Variants in EFL1 observed in about 807,000 individuals in gnomAD.
EFL1 encodes elongation factor like GTPase 1, also known as elongation factor-like GTPase 1.
In EFL1, 76 loss-of-function variants were observed where a neutral mutation model predicts 126.7. The ratio of observed to expected loss-of-function variants is 0.60; its 90% CI spans 0.50 to 0.73. EFL1 has a LOEUF of 0.73. Ranked by LOEUF, EFL1 falls within the 30% of genes least tolerant of loss-of-function variation. The probability of loss-of-function intolerance (pLI) is 0.00; values close to 1 mark genes in which losing one functional copy is unlikely to be tolerated. For synonymous variants in EFL1, 410 were observed against 448.4 expected, an observed-to-expected ratio of 0.91 and a Z score of 1.08; for missense variants, 1,128 against 1,343.2, an observed-to-expected ratio of 0.84 and a Z score of 2.50.
chr15:82,214,577 C>T lies in EFL1; in HGVS notation c.1750+140G>A. On this transcript the variant is annotated intron_variant, in intron 15 of 19. Transcript: ENST00000268206. ...TCTCCATGTGAGTTACTCCAATGTA[C>T]TAAGTTAAAGATACCAGAAAAAAAA... 3 of 1,004,180 alleles carry T rather than the reference C, an allele frequency of 3.0e-6. No homozygotes were observed. The South Asian group carries it at 5.3e-5, about 18-fold the overall frequency. The allele number at this position is 1,004,180 out of a possible 1,614,324, so 62.2% of individuals were successfully genotyped here.
At chr15:82,224,205 A>AC (rs1390071999) in intron 12 of EFL1, among the ~76,000 whole-genome samples, 1 of 152,158 alleles carries the variant, frequency 6.6e-6, no homozygotes, top group Non-Finnish European at 1.5e-5. Flanking sequence ...TGATGATCTG[A>AC]CCTTCAGTCA....
chr15:82,179,945 G>C (rs2074232843), intron 15 of EFL1, among the ~76,000 whole-genome samples: 1 of 152,038 alleles, frequency 6.6e-6, no homozygotes, highest in Non-Finnish European at 1.5e-5. Context: ...CTAGGTCCCT[G>C]GTCTACAAAT....
intron 15 of EFL1, among the ~76,000 whole-genome samples, chr15:82,211,547 T>TACACACAC (rs1214996508): frequency 0.057 from 3,952 of 69,210 alleles, 359 homozygotes; most frequent in Non-Finnish European, 0.079. Context: ...AAAAAATCTA[T>TACACACAC]ATACACACAC....
At chr15:82,162,881 C>CA (rs1376713048) in intron 16 of EFL1, among the ~76,000 whole-genome samples, 1 of 152,232 alleles carries the variant, frequency 6.6e-6, no homozygotes, top group African/African-American at 2.4e-5. Flanking sequence ...AGAAAACTAC[C>CA]ATTTTACCAT....
chr15:82,228,403 G>A, intron 9 of EFL1, 76 bp from the exon 10 acceptor site: 1 of 1,494,336 alleles, frequency 6.7e-7, no homozygotes, highest in Non-Finnish European at 8.9e-7. Flanking sequence ...AACATTATTT[G>A]GCATATTTTT....
At chr15:82,231,644 T>C (rs2074823340) in intron 7 of EFL1, among the ~76,000 whole-genome samples, 1 of 151,540 alleles carries the variant, frequency 6.6e-6, no homozygotes, top group East Asian at 1.9e-4. Context: ...TACCAGCATC[T>C]TAAAAGATGC....
intron 5 of EFL1, among the ~76,000 whole-genome samples, chr15:82,241,017 T>C (rs2074925560): frequency 6.6e-6 from 1 of 152,186 alleles, no homozygotes; most frequent in South Asian, 2.1e-4. Context: ...GCCACTGCAC[T>C]AAAGCCTGGG....
chr15:82,145,879 T>TA (rs2073840293), intron 18 of EFL1, among the ~76,000 whole-genome samples: 1 of 147,570 alleles, frequency 6.8e-6, no homozygotes, highest in Admixed American at 6.7e-5. Context: ...AACTCTTAAC[T>TA]AGTACTGTCT....
At chr15:82,209,966 T>C (rs914811173) in intron 15 of EFL1, among the ~76,000 whole-genome samples, 1 of 152,208 alleles carries the variant, frequency 6.6e-6, no homozygotes, top group Non-Finnish European at 1.5e-5. Context: ...CTTGATAAAT[T>C]TACTGACTCC....
At chr15:82,192,843 A>G (rs1218186666) in intron 15 of EFL1, among the ~76,000 whole-genome samples, 2 of 151,952 alleles carry the variant, frequency 1.3e-5, no homozygotes, top group African/African-American at 4.8e-5. Flanking sequence ...TTTTATTAAA[A>G]AAAGAAAGAA....
intron 15 of EFL1, among the ~76,000 whole-genome samples, chr15:82,199,470 G>A (rs1184970502): frequency 3.3e-5 from 5 of 152,194 alleles, no homozygotes; most frequent in African/African-American, 1.2e-4. Context: ...CTAGGACTGC[G>A]GCCCGCAAAA....
chr15:82,211,917 C>CA (rs1240086406), intron 15 of EFL1, among the ~76,000 whole-genome samples: 1 of 152,106 alleles, frequency 6.6e-6, no homozygotes, highest in Non-Finnish European at 1.5e-5. Context: ...CCTAATTACT[C>CA]AAATAAGGTT....
intron 15 of EFL1, 121 bp from the exon 16 acceptor site, chr15:82,164,105 A>C (rs2074052383): frequency 7.8e-7 from 1 of 1,287,888 alleles, no homozygotes. Context: ...AAAATGTTGC[A>C]AGAAATGAGG....
chr15:82,239,297 C>T lies in EFL1; in HGVS notation c.517-776G>A, dbSNP rs1339324942. On this transcript the variant is annotated intron_variant, in intron 6 of 19. Coordinates refer to ENST00000268206, the MANE Select transcript of EFL1 (RefSeq NM_024580.6). ...GACTACAGGGGCCTGCTACCACGCC[C>T]GGCTAATTTTTTGTATTTTTAGTAG... is the stretch of plus-strand genomic sequence containing the variant. 5.9e-5 allele frequency among the ~76,000 whole-genome samples: 9 copies of T among 151,964 alleles called. 1 individual carries two copies. Among genetic ancestry groups the T allele is most frequent in the African/African-American group, 9.7e-5 (4 of 41,366 alleles).
At chr15:82,228,142 C>G (rs773450398) in intron 10 of EFL1, 49 bp downstream of exon 10, 1 of 1,546,150 alleles carries the variant, frequency 6.5e-7, no homozygotes, top group South Asian at 1.2e-5. Context: ...ATTGTTTTTT[C>G]TAGCTTTATC....
intron 15 of EFL1, among the ~76,000 whole-genome samples, chr15:82,203,824 C>T (rs1169866324): frequency 6.6e-6 from 1 of 152,162 alleles, no homozygotes; most frequent in Non-Finnish European, 1.5e-5. Context: ...CCATAATCTA[C>T]TTATCTATTC....
chr15:82,252,028 A>G lies in EFL1; in HGVS notation c.244+663T>C, dbSNP rs1364815480. ...ACCTAAACACATTCATATCTTACAA[A>G]AATACTCTGCAATTTGTTTTCTGTC... On this transcript the variant is annotated intron_variant, in intron 4 of 19. Coordinates refer to ENST00000268206, the MANE Select transcript of EFL1 (RefSeq NM_024580.6). Among the ~76,000 whole-genome samples, 3 of 152,182 alleles carry G rather than the reference A, an allele frequency of 2.0e-5. No individual in the cohort carries two copies. The East Asian group carries it at 5.8e-4, about 29-fold the overall frequency.
At chr15:82,159,110 T>A (rs1018781521) in intron 16 of EFL1, among the ~76,000 whole-genome samples, 1 of 152,116 alleles carries the variant, frequency 6.6e-6, no homozygotes, top group Non-Finnish European at 1.5e-5. Context: ...GTGTCCAGGG[T>A]TGACAGAGGC....
chr15:82,251,824 A>T (rs2075024057), intron 4 of EFL1, among the ~76,000 whole-genome samples: 1 of 152,200 alleles, frequency 6.6e-6, no homozygotes, highest in African/African-American at 2.4e-5. Flanking sequence ...ATTTATCTTT[A>T]TTATTTTCTT....
Sources: gnomAD v4.1 joint callset for allele counts (sites outside exome capture counted in the v4.1 genomes callset) on GRCh38, gnomAD v4.1.1 for gene constraint, MANE v1.5 for transcripts, NCBI Gene and HGNC (gene_info 2026-07-23, HGNC 2026-07-21) for gene names.